Variants in NRXN3 observed in about 807,000 individuals in gnomAD.
The protein encoded by NRXN3 is neurexin 3, also known as neurexin III.
In NRXN3, 32 loss-of-function variants were observed where a neutral mutation model predicts 137.6. That is an observed-to-expected ratio of 0.23 (90% CI 0.18 to 0.31). The LOEUF is 0.31. Among genes scored for constraint, NRXN3 ranks in the 10% least tolerant of loss-of-function variants. The pLI is 1.00. For missense variants in NRXN3, 1,574 were observed against 2,062.5 expected, an observed-to-expected ratio of 0.76 and a Z score of 4.59; for synonymous variants, 798 against 784.5, an observed-to-expected ratio of 1.02 and a Z score of -0.29.
intron 7 of NRXN3, among the ~76,000 whole-genome samples, chr14:78,712,821 C>T (rs960506829): frequency 6.6e-6 from 1 of 152,178 alleles, no homozygotes; most frequent in Non-Finnish European, 1.5e-5. Flanking sequence ...CCTCAGCCTC[C>T]CAAAGTGCTG....
chr14:79,020,004 G>C (rs2099586009), intron 15 of NRXN3, among the ~76,000 whole-genome samples: 1 of 152,098 alleles, frequency 6.6e-6, no homozygotes, highest in African/African-American at 2.4e-5. Flanking sequence ...TGGTCTTGAA[G>C]AAGGCAGGAA....
chr14:79,257,343 CTGGTGGTGGTGGTGG>C (rs577147425), intron 15 of NRXN3, among the ~76,000 whole-genome samples: 1 of 12,698 alleles, frequency 7.9e-5, no homozygotes, highest in African/African-American at 3.3e-4. Context: ...TGTCTTATTC[CTGGTGGTGGTGGTGG>C]TGGTGGTGGT....
chr14:78,506,639 T>A (rs926525642), intron 4 of NRXN3, among the ~76,000 whole-genome samples: 1 of 138,386 alleles, frequency 7.2e-6, no homozygotes, highest in Admixed American at 7.7e-5. Context: ...CATATCTCAT[T>A]GTAGTTTTTT....
At chr14:79,084,055 C>T (rs1481423381) in intron 15 of NRXN3, among the ~76,000 whole-genome samples, 1 of 152,002 alleles carries the variant, frequency 6.6e-6, no homozygotes, top group East Asian at 1.9e-4. Flanking sequence ...GACTACAGGC[C>T]TGTACCACCA....
chr14:79,042,088 A>G (rs1240765399), intron 15 of NRXN3, among the ~76,000 whole-genome samples: 1 of 152,190 alleles, frequency 6.6e-6, no homozygotes, highest in African/African-American at 2.4e-5. Flanking sequence ...TGCAAAAGGA[A>G]AGCCGGCCTT....
chr14:78,627,120 C>T (rs1007276494), intron 4 of NRXN3, among the ~76,000 whole-genome samples: 1 of 143,688 alleles, frequency 7.0e-6, no homozygotes, highest in South Asian at 2.1e-4. Flanking sequence ...CTCTCTCTCT[C>T]TCTCTCTCTC....
intron 3 of NRXN3, among the ~76,000 whole-genome samples, chr14:78,287,078 A>G (rs989754311): frequency 6.6e-6 from 1 of 152,202 alleles, no homozygotes; most frequent in Non-Finnish European, 1.5e-5. Context: ...CTAAACTAGG[A>G]TAGTTCTCCC....
At chr14:78,308,960 A>G (rs1343516812) in intron 4 of NRXN3, among the ~76,000 whole-genome samples, 1 of 152,118 alleles carries the variant, frequency 6.6e-6, no homozygotes, top group African/African-American at 2.4e-5. Context: ...CCTGAACTTG[A>G]TAATGTGAGT....
chr14:79,330,135 A>G (rs945593212), intron 15 of NRXN3, among the ~76,000 whole-genome samples: 6 of 152,022 alleles, frequency 3.9e-5, no homozygotes. Context: ...TCGCCCATCA[A>G]AAGAGATTTT....
intron 16 of NRXN3, among the ~76,000 whole-genome samples, chr14:79,535,756 T>G (rs2097205357): frequency 6.6e-6 from 1 of 152,284 alleles, no homozygotes; most frequent in African/African-American, 2.4e-5. Context: ...TAAGTGATGA[T>G]GCCAAGGATT....
At chr14:79,503,420 C>T (rs1283127936) in intron 16 of NRXN3, among the ~76,000 whole-genome samples, 2 of 152,192 alleles carry the variant, frequency 1.3e-5, no homozygotes, top group African/African-American at 2.4e-5. Context: ...CTAACCTTCA[C>T]GTACAGGGAC....
intron 16 of NRXN3, among the ~76,000 whole-genome samples, chr14:79,549,747 C>G (rs1008044703): frequency 2.6e-5 from 4 of 152,070 alleles, no homozygotes; most frequent in African/African-American, 9.7e-5. Context: ...AGACTCATTA[C>G]TAACAAAAGT....
intron 19 of NRXN3, among the ~76,000 whole-genome samples, chr14:79,710,128 C>A (rs1320198910): frequency 6.6e-6 from 1 of 151,940 alleles, no homozygotes. Flanking sequence ...TAATAGATGC[C>A]TCCATCTGCG....
chr14:78,317,569 A>G (rs1367200995), intron 4 of NRXN3, among the ~76,000 whole-genome samples: 2 of 152,194 alleles, frequency 1.3e-5, no homozygotes, highest in Admixed American at 6.5e-5. Flanking sequence ...AGTATCTTCC[A>G]TGAAATTGGT....
chr14:78,584,473 A>G (rs995374864), intron 4 of NRXN3, among the ~76,000 whole-genome samples: 1 of 152,088 alleles, frequency 6.6e-6, no homozygotes, highest in Non-Finnish European at 1.5e-5. Context: ...ATGGTCCCAA[A>G]GGCTGAACAT....
intron 15 of NRXN3, among the ~76,000 whole-genome samples, chr14:79,416,118 T>C (rs375980191): frequency 1.4e-3 from 214 of 152,244 alleles, no homozygotes; most frequent in Middle Eastern, 6.8e-3. Flanking sequence ...TATTTTTTAA[T>C]GATTCCAAAG....
At chr14:79,049,887 A>C (rs1595381092) in intron 15 of NRXN3, among the ~76,000 whole-genome samples, 1 of 152,064 alleles carries the variant, frequency 6.6e-6, no homozygotes, top group East Asian at 1.9e-4. Context: ...TATTATAATA[A>C]AACTAATTTT....
intron 9 of NRXN3, among the ~76,000 whole-genome samples, chr14:78,804,885 T>C (rs1464047623): frequency 2.0e-5 from 3 of 152,196 alleles, no homozygotes; most frequent in African/African-American, 7.2e-5. Flanking sequence ...CTAGTGAATG[T>C]ATTTGGGTAC....
intron 4 of NRXN3, among the ~76,000 whole-genome samples, chr14:78,600,821 C>G (rs1601142181): frequency 6.6e-6 from 1 of 152,328 alleles, no homozygotes; most frequent in African/African-American, 2.4e-5. Flanking sequence ...CCACAAAAGT[C>G]ACTTCTCTAT....
Sources: allele counts gnomAD v4.1 joint callset (sites outside exome capture counted in the v4.1 genomes callset), GRCh38; gene constraint gnomAD v4.1.1; transcripts MANE v1.5; gene names NCBI Gene and HGNC (gene_info 2026-07-23, HGNC 2026-07-21).